The following EMCN variants were observed in gnomAD, a reference collection of about 807,000 sequenced individuals.
EMCN encodes endomucin, also known as MUC-14.
A neutral mutation model predicts 38.4 loss-of-function variants in EMCN; 37 were observed. That is an observed-to-expected ratio of 0.96 (90% confidence interval 0.74 to 1.27). The LOEUF is 1.27. Ranked by LOEUF, EMCN falls within the 50% of genes most tolerant of loss-of-function variation. The pLI is 0.00. For synonymous variants in EMCN, 95 were observed against 100.8 expected, an observed-to-expected ratio of 0.94 and a Z score of 0.35; for missense variants, 318 against 302.8, an observed-to-expected ratio of 1.05 and a Z score of -0.37.
chr4:100,448,895 G>A (rs536857570), intron 4 of EMCN, among the ~76,000 whole-genome samples: 3 of 150,612 alleles, frequency 2.0e-5, no homozygotes, highest in South Asian at 4.2e-4. Flanking sequence ...CTCAGAAGTC[G>A]CTGTTCAGAG....
At chr4:100,410,539 C>A (rs1269132522) in intron 10 of EMCN, among the ~76,000 whole-genome samples, 184 bp from the exon 11 acceptor site, 1 of 152,078 alleles carries the variant, frequency 6.6e-6, no homozygotes, top group Non-Finnish European at 1.5e-5. Flanking sequence ...GAACTTTTCC[C>A]AGACATCATC....
intron 1 of EMCN, among the ~76,000 whole-genome samples, chr4:100,505,623 G>A (rs1179928273): frequency 6.6e-6 from 1 of 152,052 alleles, no homozygotes; most frequent in East Asian, 1.9e-4. Flanking sequence ...CACTTTTGAG[G>A]AACCCTTGAA....
intron 8 of EMCN, among the ~76,000 whole-genome samples, chr4:100,419,365 G>A (rs1726825137): frequency 6.6e-6 from 1 of 152,052 alleles, no homozygotes; most frequent in East Asian, 1.9e-4. Flanking sequence ...TAACAGTGCT[G>A]TAAATTCTGT....
At chr4:100,461,099 T>G (rs1728165959) in intron 4 of EMCN, among the ~76,000 whole-genome samples, 1 of 152,148 alleles carries the variant, frequency 6.6e-6, no homozygotes, top group African/African-American at 2.4e-5. Context: ...TTCCCTTCAT[T>G]CCTTCCAATC....
rs1330449238 is a variant in EMCN at position 100,423,394 on chromosome 4, T to G, written c.426A>C (p.Leu142=). The G allele has an allele frequency of 1.2e-6, 2 of 1,609,908 alleles. No homozygotes were observed. The highest frequency in any genetic ancestry group is 1.7e-6 in the Non-Finnish European group (2 of 1,176,612). ...TTTTAGAAGGTGATGCATCTGGTTG[T>G]AGAACACTACCTGTATGAAAATTAC... ...IKTTEIPGSV[L]QPDASPSKTG... Residue 142 remains leucine, a synonymous_variant, in exon 6 of 12, where the codon CTA becomes CTC. Coordinates refer to ENST00000296420, the MANE Select transcript of EMCN (RefSeq NM_016242.4).
chr4:100,503,579 T>C (rs1053265387), intron 1 of EMCN, among the ~76,000 whole-genome samples: 3 of 152,058 alleles, frequency 2.0e-5, no homozygotes, highest in Admixed American at 2.0e-4. Context: ...CCAATCTACT[T>C]TTTTATTTTT....
intron 1 of EMCN, among the ~76,000 whole-genome samples, chr4:100,503,285 G>A (rs1729397314): frequency 6.6e-6 from 1 of 151,970 alleles, no homozygotes; most frequent in African/African-American, 2.4e-5. Context: ...GTTTTGATAG[G>A]CTATAGTTTT....
intron 2 of EMCN, among the ~76,000 whole-genome samples, chr4:100,475,539 G>A (rs1383569907): frequency 6.7e-6 from 1 of 150,104 alleles, no homozygotes; most frequent in Non-Finnish European, 1.5e-5. Context: ...TTTTATTGAT[G>A]TAGTTATGGC....
intron 5 of EMCN, among the ~76,000 whole-genome samples, chr4:100,437,318 A>G (rs72923835): frequency 0.046 from 7,019 of 152,116 alleles, 570 homozygotes; most frequent in African/African-American, 0.16. Context: ...TATCAGGTAT[A>G]TGGTTTGCAA....
At chr4:100,400,028 A>G (rs1726213268) in intron 11 of EMCN, among the ~76,000 whole-genome samples, 1 of 152,072 alleles carries the variant, frequency 6.6e-6, no homozygotes, top group South Asian at 2.1e-4. Context: ...GCCTCATGCA[A>G]TCCTTCATGA....
At chr4:100,423,543 T>A (rs1726958744) in intron 5 of EMCN, 139 bp from the exon 6 acceptor site, 2 of 638,244 alleles carry the variant, frequency 3.1e-6, no homozygotes, top group South Asian at 3.7e-5. Flanking sequence ...AATGCAATCA[T>A]AACACTAAAC....
intron 4 of EMCN, among the ~76,000 whole-genome samples, chr4:100,458,038 C>T (rs952837686): frequency 6.6e-6 from 1 of 151,980 alleles, no homozygotes; most frequent in East Asian, 1.9e-4. Flanking sequence ...ACTGCTTGGA[C>T]CTGGGAGGTG....
intron 4 of EMCN, among the ~76,000 whole-genome samples, chr4:100,457,468 AT>A (rs1354282711): frequency 6.6e-6 from 1 of 152,150 alleles, no homozygotes; most frequent in Non-Finnish European, 1.5e-5. Flanking sequence ...ATTTGGGGCA[AT>A]TTTTAAAAAT....
At chr4:100,401,749 C>T (rs185343621) in intron 11 of EMCN, among the ~76,000 whole-genome samples, 10 of 152,210 alleles carry the variant, frequency 6.6e-5, no homozygotes, top group African/African-American at 1.4e-4. Context: ...TCTGTGGGAA[C>T]GGACTTTGAT....
intron 5 of EMCN, among the ~76,000 whole-genome samples, chr4:100,433,502 TTAA>T (rs1167255867): frequency 2.6e-5 from 4 of 152,212 alleles, no homozygotes; most frequent in African/African-American, 9.6e-5. Flanking sequence ...AGTTCTATTT[TTAA>T]TTTCTTTCAA....
intron 11 of EMCN, among the ~76,000 whole-genome samples, chr4:100,403,281 G>A (rs1339430181): frequency 1.3e-5 from 2 of 152,040 alleles, no homozygotes; most frequent in Admixed American, 6.6e-5. Context: ...CCTTAGAAAT[G>A]CGAAGATAAA....
At chr4:100,515,879 G>C (rs112884175) in intron 1 of EMCN, among the ~76,000 whole-genome samples, 16 of 152,010 alleles carry the variant, frequency 1.1e-4, no homozygotes, top group African/African-American at 3.9e-4. Context: ...GGCAGAACCA[G>C]GTACAACAAA....
chr4:100,449,175 C>T (rs1014446338), intron 4 of EMCN, among the ~76,000 whole-genome samples: 2 of 151,960 alleles, frequency 1.3e-5, no homozygotes, highest in Non-Finnish European at 2.9e-5. Flanking sequence ...TTCTACCTAC[C>T]TGATTTCAAC....
chr4:100,491,942 T>A (rs1354673695), intron 1 of EMCN, among the ~76,000 whole-genome samples: 2 of 152,098 alleles, frequency 1.3e-5, no homozygotes, highest in Non-Finnish European at 2.9e-5. Flanking sequence ...TTAGAAAAAG[T>A]AGCTGTCTCC....
Sources: allele counts gnomAD v4.1 joint callset (sites outside exome capture counted in the v4.1 genomes callset), GRCh38; gene constraint gnomAD v4.1.1; transcripts MANE v1.5; gene names NCBI Gene and HGNC (gene_info 2026-07-23, HGNC 2026-07-21).